The following TXNDC16 variants were observed in gnomAD, a reference collection of about 807,000 sequenced individuals.
The protein encoded by TXNDC16 is thioredoxin domain containing 16, also known as thioredoxin domain-containing protein 16.
Under a neutral mutation model 85.6 loss-of-function variants are expected in TXNDC16, and 74 were observed. That is an observed-to-expected ratio of 0.86 (90% CI 0.72 to 1.05). The LOEUF is 1.05. TXNDC16 is among the 50% of genes least tolerant of loss of function. The pLI is 0.00. For synonymous variants in TXNDC16, 335 were observed against 326.5 expected, an observed-to-expected ratio of 1.03 and a Z score of -0.28; for missense variants, 959 against 947.0, an observed-to-expected ratio of 1.01 and a Z score of -0.17.
intron 15 of TXNDC16, 69 bp downstream of exon 15, chr14:52,470,443 A>C: frequency 6.7e-7 from 1 of 1,493,276 alleles, no homozygotes; most frequent in Non-Finnish European, 9.0e-7. Context: ...AAGTGTTAGC[A>C]AAGTCTGAGA....
At chr14:52,482,034 G>C (rs1379169742) in intron 14 of TXNDC16, among the ~76,000 whole-genome samples, 196 bp downstream of exon 14, 2 of 152,082 alleles carry the variant, frequency 1.3e-5, no homozygotes, top group Non-Finnish European at 1.5e-5. Flanking sequence ...TTCTACTAAA[G>C]ACAGTTCTAT....
At chr14:52,463,215 TCAAA>T (rs1004010415) in intron 16 of TXNDC16, among the ~76,000 whole-genome samples, 1 of 150,000 alleles carries the variant, frequency 6.7e-6, no homozygotes, top group South Asian at 2.1e-4. Flanking sequence ...AAAAATCTGC[TCAAA>T]CAAACTCAGA....
intron 9 of TXNDC16, among the ~76,000 whole-genome samples, chr14:52,506,527 C>T (rs1165449872): frequency 3.3e-4 from 32 of 97,554 alleles, no homozygotes; most frequent in Admixed American, 3.5e-4. Context: ...TTCAACAACC[C>T]TTTTTTTTTT....
chr14:52,503,401 C>A (rs558820317), intron 9 of TXNDC16, among the ~76,000 whole-genome samples: 1 of 152,344 alleles, frequency 6.6e-6, no homozygotes, highest in African/African-American at 2.4e-5. Flanking sequence ...CAGGCAGCAA[C>A]ATTTGCTGTT....
intron 2 of TXNDC16, 72 bp from the exon 3 acceptor site, chr14:52,543,702 A>G: frequency 1.1e-6 from 1 of 921,026 alleles, no homozygotes; most frequent in East Asian, 2.9e-5. Context: ...AGTAAAATCT[A>G]CAAAAAGAAA....
Position 52,543,472 on chromosome 14 carries a change from G to T in TXNDC16, c.86C>A (p.Pro29Gln). ...IFYMPTVNSL[P>Q]ELSPQKYFST... ...AAAATATTTCTGAGGACTCAGTTCT[G>T]GTAAAGAGTTTACTGTTGGCATGTA... The change falls in exon 3 of 21, where the codon CCA becomes CAA. Residue 29 changes from proline (P) to glutamine (Q), a missense_variant. Physicochemically the swap from Pro to Gln is moderately conservative, Grantham distance 76. Transcript: ENST00000281741. The T allele has an allele frequency of 6.2e-7, 1 of 1,613,488 alleles. No individual in the cohort carries two copies. Among genetic ancestry groups the T allele is most frequent in the Non-Finnish European group, 8.5e-7 (1 of 1,179,664 alleles).
chr14:52,508,825 C>A (rs537999284), intron 9 of TXNDC16, among the ~76,000 whole-genome samples: 17 of 152,184 alleles, frequency 1.1e-4, no homozygotes, highest in Admixed American at 8.5e-4. Flanking sequence ...GACAAAAAAA[C>A]CAAACACCGC....
At position 52,536,769 on chromosome 14, in the gene TXNDC16, G is replaced by A. The variant is rs764164327; in HGVS notation, c.342C>T (p.Phe114=). The A allele has an allele frequency of 1.2e-6, 2 of 1,611,452 alleles. No individual in the cohort carries two copies. Among genetic ancestry groups the A allele is most frequent in the Non-Finnish European group, 1.7e-6 (2 of 1,178,594 alleles). Reference sequence around the variant, plus strand: ...TCACATCAAACAAGGTGTCAGTAGGGAATTCTCTGAGCAATATGTTGCCCC... The same window carrying A: ...TCACATCAAACAAGGTGTCAGTAGGAAATTCTCTGAGCAATATGTTGCCCC... ...LFKGNILLRE[F]PTDTLFDVNA... Residue 114 remains phenylalanine (F), a synonymous_variant, in exon 6 of 21, where the codon TTC becomes TTT. Transcript: ENST00000281741.
intron 6 of TXNDC16, among the ~76,000 whole-genome samples, chr14:52,523,574 G>A (rs1290561093): frequency 1.3e-5 from 2 of 152,116 alleles, no homozygotes. Flanking sequence ...TTATGACTGG[G>A]CAGATTCACA....
At chr14:52,491,345 C>CTTT (rs11337974) in intron 9 of TXNDC16, among the ~76,000 whole-genome samples, 9 of 107,500 alleles carry the variant, frequency 8.4e-5, no homozygotes, top group South Asian at 3.1e-4. Flanking sequence ...CCATGCCTAG[C>CTTT]TTTTTTTTTT....
chr14:52,474,861 G>A (rs1040571567), intron 14 of TXNDC16, among the ~76,000 whole-genome samples: 4 of 152,184 alleles, frequency 2.6e-5, no homozygotes, highest in Admixed American at 2.0e-4. Context: ...AGCGTGTGGA[G>A]GCTCGCCTCA....
chr14:52,457,547 T>A (rs749687324), intron 16 of TXNDC16, among the ~76,000 whole-genome samples: 51 of 152,310 alleles, frequency 3.3e-4, no homozygotes, highest in Non-Finnish European at 5.9e-4. Flanking sequence ...GAGAAGTAGG[T>A]ATGTGAAATG....
In TXNDC16 at chr14:52,504,837, A is replaced by G. The variant is rs1020783134; in HGVS notation, c.756+6403T>C. On this transcript the variant is annotated intron_variant, in intron 9 of 20. Transcript: ENST00000281741. ...TATTCAGGAAGCCCATCTCATGTGCAGAGACACACATAGGCTCAAAATAAA... is the reference window on the plus strand; with the variant it reads ...TATTCAGGAAGCCCATCTCATGTGCGGAGACACACATAGGCTCAAAATAAA... Among the ~76,000 whole-genome samples the G allele has an allele frequency of 6.9e-4, 105 of 152,308 alleles. 1 individual carries two copies. Among genetic ancestry groups the G allele is most frequent in the African/African-American group, 2.5e-3 (103 of 41,572 alleles).
At position 52,543,594 on chromosome 14, in the gene TXNDC16, T is replaced by C; in HGVS notation, c.-37A>G. The stretch of plus-strand genomic sequence containing the variant: ...GTTGTATCTGAGCGGATTTTGTCTG[T>C]TTTTTCACTGCTGTGTTCTGTTTCC... On this transcript the variant is annotated 5_prime_UTR_variant, in exon 3 of 21. Coordinates refer to ENST00000281741, the MANE Select transcript of TXNDC16 (RefSeq NM_020784.3). 3 of 1,609,030 alleles carry C rather than the reference T, an allele frequency of 1.9e-6. No homozygotes were observed. The highest frequency in any genetic ancestry group is 2.5e-6 in the Non-Finnish European group (3 of 1,177,806).
intron 9 of TXNDC16, among the ~76,000 whole-genome samples, chr14:52,503,860 C>T (rs1336284954): frequency 2.0e-5 from 3 of 152,036 alleles, no homozygotes; most frequent in Non-Finnish European, 2.9e-5. Flanking sequence ...CTAGAATAAC[C>T]AATGCAGAGA....
intron 9 of TXNDC16, among the ~76,000 whole-genome samples, chr14:52,496,438 A>T (rs922632067): frequency 9.4e-4 from 122 of 129,602 alleles, no homozygotes; most frequent in African/African-American, 3.1e-3. Flanking sequence ...TTTTTTTTTT[A>T]AAGCCTGTGA....
At chr14:52,529,088 C>A (rs1304417633) in intron 6 of TXNDC16, among the ~76,000 whole-genome samples, 1 of 150,426 alleles carries the variant, frequency 6.6e-6, no homozygotes, top group Non-Finnish European at 1.5e-5. Context: ...AAACGTCCAA[C>A]AATGATAGAC....
chr14:52,465,458 GGC>G (rs1382512880), intron 16 of TXNDC16, among the ~76,000 whole-genome samples: 1 of 152,024 alleles, frequency 6.6e-6, no homozygotes, highest in Non-Finnish European at 1.5e-5. Context: ...CGGGCTTGGT[GGC>G]GGGCGCCTGT....
intron 18 of TXNDC16, among the ~76,000 whole-genome samples, chr14:52,447,075 A>C (rs2035301170): frequency 6.6e-6 from 1 of 152,076 alleles, no homozygotes; most frequent in Non-Finnish European, 1.5e-5. Flanking sequence ...CAGCTCTGCC[A>C]GAGAAGGGTA....
Sources: gnomAD v4.1 joint callset for allele counts (sites outside exome capture counted in the v4.1 genomes callset) on GRCh38, gnomAD v4.1.1 for gene constraint, MANE v1.5 for transcripts, NCBI Gene and HGNC (gene_info 2026-07-23, HGNC 2026-07-21) for gene names.